Variants in CYP7B1 observed in about 807,000 individuals in gnomAD.
The protein encoded by CYP7B1 is cytochrome P450 7B1.
In CYP7B1, 29 loss-of-function variants were observed where a neutral mutation model predicts 42.7. That is an observed-to-expected ratio of 0.68 (90% CI 0.51 to 0.93). The LOEUF (loss-of-function observed/expected upper bound fraction) is 0.93. Ranked by LOEUF, CYP7B1 falls within the 40% of genes least tolerant of loss-of-function variation. CYP7B1 has a pLI of 0.00. For missense variants in CYP7B1, 655 were observed against 600.5 expected (o/e 1.09, Z -0.95); for synonymous variants, 235 against 218.2 (o/e 1.08, Z -0.68).
chr8:64,701,113 T>A (rs1386389625), intron 1 of CYP7B1, among the ~76,000 whole-genome samples: 1 of 152,076 alleles, frequency 6.6e-6, no homozygotes, highest in Non-Finnish European at 1.5e-5. Context: ...GTTTAATTAG[T>A]GTCAGGGTAA....
intron 1 of CYP7B1, among the ~76,000 whole-genome samples, chr8:64,796,581 T>C (rs752405835): frequency 6.6e-6 from 1 of 152,202 alleles, no homozygotes; most frequent in Non-Finnish European, 1.5e-5. Flanking sequence ...AAAGCACACA[T>C]ACATTTTGAT....
chr8:64,726,103 A>G (rs77067667), intron 1 of CYP7B1, among the ~76,000 whole-genome samples: 2,656 of 152,300 alleles, frequency 0.017, 29 homozygotes, highest in Middle Eastern at 0.027. Context: ...TTGAGATGAA[A>G]CTAAAGAAAT....
chr8:64,619,331 T>C (rs1395647238), intron 2 of CYP7B1, among the ~76,000 whole-genome samples: 2 of 152,214 alleles, frequency 1.3e-5, no homozygotes, highest in East Asian at 3.8e-4. Context: ...TGTAAATGAA[T>C]GGCCAGTGTC....
rs1805105224 is a variant in CYP7B1 at position 64,595,600 on chromosome 8, C to T, written c.*1042G>A. Among the ~76,000 whole-genome samples, 2 of 152,068 alleles carry T rather than the reference C, an allele frequency of 1.3e-5. No individual in the cohort carries two copies. The highest frequency in any genetic ancestry group is 4.8e-5 in the African/African-American group (2 of 41,388). ...CAGGATTTGAGACCAGCCTGGGCAACACAGCCAGATACTCTCTCAATTGAA... is the reference window on the plus strand; with the variant it reads ...CAGGATTTGAGACCAGCCTGGGCAATACAGCCAGATACTCTCTCAATTGAA... On this transcript the variant is annotated 3_prime_UTR_variant, in exon 6 of 6. Coordinates refer to ENST00000310193, the MANE Select transcript of CYP7B1 (RefSeq NM_004820.5).
At chr8:64,597,004 T>G in intron 5 of CYP7B1, 75 bp from the exon 6 acceptor site, 1 of 1,305,316 alleles carries the variant, frequency 7.7e-7, no homozygotes, top group Non-Finnish European at 1.1e-6. Flanking sequence ...AGTTGCTAGC[T>G]CTCTCTGCCT....
At chr8:64,775,643 T>C (rs1804312297) in intron 1 of CYP7B1, among the ~76,000 whole-genome samples, 2 of 152,110 alleles carry the variant, frequency 1.3e-5, no homozygotes, top group South Asian at 4.1e-4. Flanking sequence ...ATATATTAAC[T>C]GATAATTATA....
At chr8:64,645,675 T>C (rs1351746896) in intron 1 of CYP7B1, among the ~76,000 whole-genome samples, 3 of 152,148 alleles carry the variant, frequency 2.0e-5, no homozygotes, top group Admixed American at 6.5e-5. Context: ...AATGACTTTC[T>C]TCACAGAATT....
intron 1 of CYP7B1, among the ~76,000 whole-genome samples, chr8:64,786,705 T>C (rs991989125): frequency 8.5e-5 from 13 of 152,116 alleles, no homozygotes; most frequent in African/African-American, 3.1e-4. Context: ...TTCTCACAAT[T>C]CCAATAGGCA....
intron 4 of CYP7B1, among the ~76,000 whole-genome samples, chr8:64,611,200 C>T (rs2129630080): frequency 6.6e-6 from 1 of 152,164 alleles, no homozygotes; most frequent in African/African-American, 2.4e-5. Context: ...TGGTATCAGA[C>T]AGGCCTGAGG....
At chr8:64,785,307 A>T (rs1347533227) in intron 1 of CYP7B1, among the ~76,000 whole-genome samples, 2 of 152,228 alleles carry the variant, frequency 1.3e-5, no homozygotes, top group Non-Finnish European at 2.9e-5. Context: ...CAGTACTTTT[A>T]CAAAACTAAA....
chr8:64,713,252 T>C (rs1807107552), intron 1 of CYP7B1, among the ~76,000 whole-genome samples: 1 of 151,998 alleles, frequency 6.6e-6, no homozygotes, highest in African/African-American at 2.4e-5. Flanking sequence ...AACTGCATGC[T>C]AGAACAAAGC....
chr8:64,791,590 T>C (rs1476880289), intron 1 of CYP7B1, among the ~76,000 whole-genome samples: 1 of 152,146 alleles, frequency 6.6e-6, no homozygotes, highest in African/African-American at 2.4e-5. Context: ...GTCAAAGAAA[T>C]GAATTCTTTG....
rs545281189 is a variant in CYP7B1 at position 64,735,633 on chromosome 8, T to C, written c.122+62833A>G. On this transcript the variant is annotated intron_variant, in intron 1 of 5. Coordinates refer to ENST00000310193, the MANE Select transcript of CYP7B1 (RefSeq NM_004820.5). ...TACATGTTAATAAGCCTCTATTTGT[T>C]TTTATCTTATTAATCTGTCTTTTGT... Among the ~76,000 whole-genome samples, 41 of 152,306 alleles carry C rather than the reference T, an allele frequency of 2.7e-4. 1 individual carries two copies. Among genetic ancestry groups the C allele is most frequent in the African/African-American group, 9.6e-4 (40 of 41,582 alleles).
intron 1 of CYP7B1, among the ~76,000 whole-genome samples, chr8:64,766,317 C>A (rs1807972356): frequency 6.6e-6 from 1 of 152,146 alleles, no homozygotes; most frequent in Admixed American, 6.5e-5. Context: ...AGGAACCAAA[C>A]CTCTCTGTCA....
At chr8:64,701,096 T>G (rs1365379411) in intron 1 of CYP7B1, among the ~76,000 whole-genome samples, 3 of 152,082 alleles carry the variant, frequency 2.0e-5, no homozygotes, top group Non-Finnish European at 4.4e-5. Context: ...GGTATTTGTT[T>G]GATGCAGTTT....
At chr8:64,630,399 A>G (rs1385115547) in intron 1 of CYP7B1, among the ~76,000 whole-genome samples, 2 of 152,248 alleles carry the variant, frequency 1.3e-5, no homozygotes, top group East Asian at 3.8e-4. Context: ...TCACCTGTAA[A>G]GGAGAATGTT....
At chr8:64,615,381 T>C in intron 3 of CYP7B1, 149 bp from the exon 4 acceptor site, 2 of 855,644 alleles carry the variant, frequency 2.3e-6, no homozygotes, top group African/African-American at 1.7e-5. Context: ...AGTCTAATTT[T>C]CTGCTTAATG....
At chr8:64,669,726 T>TACAC (rs57345617) in intron 1 of CYP7B1, among the ~76,000 whole-genome samples, 24 of 129,842 alleles carry the variant, frequency 1.8e-4, no homozygotes, top group African/African-American at 5.7e-4. Flanking sequence ...TTTACATACA[T>TACAC]ACACACACAC....
intron 2 of CYP7B1, among the ~76,000 whole-genome samples, chr8:64,620,029 A>T (rs927637563): frequency 2.6e-5 from 4 of 151,736 alleles, no homozygotes; most frequent in African/African-American, 9.7e-5. Flanking sequence ...AAAAAACCTT[A>T]AAAAAAATTA....
Sources: allele counts gnomAD v4.1 joint callset (sites outside exome capture counted in the v4.1 genomes callset), GRCh38; gene constraint gnomAD v4.1.1; transcripts MANE v1.5; gene names NCBI Gene and HGNC (gene_info 2026-07-23, HGNC 2026-07-21).